Variants in INPP4B observed in about 807,000 individuals in gnomAD.
INPP4B encodes the protein inositol polyphosphate 4-phosphatase type II.
INPP4B carries 55 observed loss-of-function variants against 122.5 expected under a neutral mutation model. The observed-to-expected ratio is 0.45, with a 90% CI of 0.36 to 0.56. The LOEUF (loss-of-function observed/expected upper bound fraction) is 0.56, where lower values mean the gene tolerates loss of function less well. Ranked by LOEUF, INPP4B falls within the 20% of genes least tolerant of loss-of-function variation. The probability of loss-of-function intolerance (pLI) is 0.00; values close to 1 mark genes in which losing one functional copy is unlikely to be tolerated. For missense variants in INPP4B, 1,000 were observed against 1,097.7 expected (o/e 0.91, Z 1.26); for synonymous variants, 403 against 388.7 (o/e 1.04, Z -0.43).
intron 11 of INPP4B, among the ~76,000 whole-genome samples, chr4:142,255,184 T>C (rs1256855311): frequency 6.6e-6 from 1 of 151,598 alleles, no homozygotes; most frequent in African/African-American, 2.4e-5. Context: ...AGGCCTGCCC[T>C]AAAAGAGCTC....
chr4:142,643,797 A>C (rs1751096894), intron 2 of INPP4B, among the ~76,000 whole-genome samples: 1 of 152,198 alleles, frequency 6.6e-6, no homozygotes, highest in African/African-American at 2.4e-5. Flanking sequence ...ACAAATTATT[A>C]AATAGTAAGT....
intron 3 of INPP4B, among the ~76,000 whole-genome samples, chr4:142,433,923 A>C (rs573484590): frequency 6.6e-6 from 1 of 152,320 alleles, no homozygotes; most frequent in African/African-American, 2.4e-5. Flanking sequence ...AGATTAAAAG[A>C]AATAAGATAA....
Position 142,054,465 on chromosome 4 carries a change from T to C in INPP4B, c.2643-25551A>G, listed in dbSNP as rs995530988. On this transcript the variant is annotated intron_variant, in intron 25 of 25. Transcript: ENST00000262992. ...CCTTATTGTGCTGCTTAGAAAAAGA[T>C]GCTTCATGGTGATAGGGAGAATGAT... Among the ~76,000 whole-genome samples the C allele has an allele frequency of 9.2e-5, 14 of 152,084 alleles. 1 individual carries two copies. The highest frequency in any genetic ancestry group is 2.9e-4 in the African/African-American group (12 of 41,444).
intron 23 of INPP4B, among the ~76,000 whole-genome samples, chr4:142,094,513 C>G (rs1225621000): frequency 1.3e-5 from 2 of 152,182 alleles, no homozygotes; most frequent in Non-Finnish European, 2.9e-5. Context: ...AGGGACACAG[C>G]TTTTGAGGTG....
At chr4:142,256,123 G>A (rs1735864323) in intron 11 of INPP4B, among the ~76,000 whole-genome samples, 1 of 149,030 alleles carries the variant, frequency 6.7e-6, no homozygotes, top group Admixed American at 6.7e-5. Flanking sequence ...ATAACGAAAT[G>A]AAGGCAGAAA....
intron 2 of INPP4B, among the ~76,000 whole-genome samples, chr4:142,686,949 A>C (rs1759431055): frequency 6.6e-6 from 1 of 152,056 alleles, no homozygotes; most frequent in Non-Finnish European, 1.5e-5. Flanking sequence ...CTTAGGAGTA[A>C]AATAGATTTT....
chr4:142,593,457 T>C (rs1737983620), intron 2 of INPP4B, among the ~76,000 whole-genome samples: 1 of 152,140 alleles, frequency 6.6e-6, no homozygotes, highest in Non-Finnish European at 1.5e-5. Context: ...TCTACAGACC[T>C]ACCCATCATG....
At chr4:142,304,952 C>T (rs187325557) in intron 9 of INPP4B, among the ~76,000 whole-genome samples, 24 of 152,144 alleles carry the variant, frequency 1.6e-4, no homozygotes, top group South Asian at 1.2e-3. Context: ...GAATTAGCTA[C>T]GATCTATTGT....
chr4:142,070,137 C>T (rs1404841193), intron 25 of INPP4B, among the ~76,000 whole-genome samples: 3 of 152,180 alleles, frequency 2.0e-5, no homozygotes, highest in African/African-American at 7.2e-5. Flanking sequence ...GCTTATCCAC[C>T]ATGATCAACT....
chr4:142,816,192 A>T (rs933736149), intron 1 of INPP4B, among the ~76,000 whole-genome samples: 2 of 152,100 alleles, frequency 1.3e-5, no homozygotes, highest in Non-Finnish European at 2.9e-5. Flanking sequence ...TAGATATCTT[A>T]TTGAAGGGAT....
intron 24 of INPP4B, among the ~76,000 whole-genome samples, chr4:142,084,848 A>T (rs1775990665): frequency 6.6e-6 from 1 of 152,224 alleles, no homozygotes; most frequent in Non-Finnish European, 1.5e-5. Flanking sequence ...ACATAATGAC[A>T]CATTTATATG....
At chr4:142,159,367 A>G (rs757974952) in intron 17 of INPP4B, among the ~76,000 whole-genome samples, 8 of 152,000 alleles carry the variant, frequency 5.3e-5, no homozygotes, top group Non-Finnish European at 1.0e-4. Context: ...CACCAACGAC[A>G]AACACTCAGC....
chr4:142,310,457 G>A (rs879615122), intron 8 of INPP4B, among the ~76,000 whole-genome samples: 17 of 151,750 alleles, frequency 1.1e-4, no homozygotes, highest in African/African-American at 2.4e-4. Context: ...TTACATATGC[G>A]GCATGCATTT....
rs190468146 is a variant in INPP4B, at chr4:142,746,931, C to A, written c.-253-21030G>T. On this transcript the variant is annotated intron_variant, in intron 1 of 25. Coordinates refer to ENST00000262992, the MANE Select transcript of INPP4B (RefSeq NM_001101669.3). ...AACCATAAAAACCCTAGAAGAAAAC[C>A]TAGGCAATACCATTCAGGATATAGG... Among the ~76,000 whole-genome samples, 982 of 152,138 alleles carry A rather than the reference C, an allele frequency of 6.5e-3. 16 individuals carry two copies. The highest frequency in any genetic ancestry group is 0.022 in the African/African-American group (933 of 41,524).
At chr4:142,727,333 T>C (rs1231692054) in intron 1 of INPP4B, among the ~76,000 whole-genome samples, 1 of 152,190 alleles carries the variant, frequency 6.6e-6, no homozygotes, top group Non-Finnish European at 1.5e-5. Flanking sequence ...TCTACTCTTA[T>C]GAACACTCGA....
chr4:142,353,942 T>G (rs1782753571), intron 7 of INPP4B, among the ~76,000 whole-genome samples: 1 of 151,936 alleles, frequency 6.6e-6, no homozygotes, highest in Admixed American at 6.6e-5. Flanking sequence ...TTCAACAATT[T>G]TTTCCCAATG....
chr4:142,725,435 C>T (rs1180424247), intron 2 of INPP4B, among the ~76,000 whole-genome samples: 1 of 151,992 alleles, frequency 6.6e-6, no homozygotes, highest in Admixed American at 6.6e-5. Flanking sequence ...AGTCATCTGA[C>T]TAACGCCAAA....
chr4:142,177,125 T>C (rs1828684815), intron 15 of INPP4B, among the ~76,000 whole-genome samples: 1 of 152,142 alleles, frequency 6.6e-6, no homozygotes, highest in Admixed American at 6.5e-5. Flanking sequence ...GGAGCAGAGT[T>C]GTGTAGCAGG....
intron 2 of INPP4B, among the ~76,000 whole-genome samples, chr4:142,538,379 T>A (rs574672759): frequency 6.6e-6 from 1 of 152,092 alleles, no homozygotes; most frequent in Non-Finnish European, 1.5e-5. Flanking sequence ...ATATTGTAAC[T>A]ATGATATAGT....
Sources: allele counts gnomAD v4.1 joint callset (sites outside exome capture counted in the v4.1 genomes callset), GRCh38; gene constraint gnomAD v4.1.1; transcripts MANE v1.5; gene names NCBI Gene and HGNC (gene_info 2026-07-23, HGNC 2026-07-21).